PDE8B: variants seen among roughly 807,000 people sequenced by gnomAD.
PDE8B encodes the protein high affinity cAMP-specific and IBMX-insensitive 3',5'-cyclic phosphodiesterase 8B.
PDE8B carries 26 observed loss-of-function variants against 101.3 expected under a neutral mutation model. That is an observed-to-expected ratio of 0.26 (90% CI 0.19 to 0.36). The LOEUF is 0.36. PDE8B is among the 10% of genes least tolerant of loss of function. PDE8B has a pLI of 1.00. For missense variants in PDE8B, 810 were observed against 1,163.1 expected, an observed-to-expected ratio of 0.70 and a Z score of 4.42; for synonymous variants, 424 against 429.3, an observed-to-expected ratio of 0.99 and a Z score of 0.15.
chr5:77,095,718 C>T, the PDE8B span, among the ~76,000 whole-genome samples: 1 of 152,122 alleles, frequency 6.6e-6, no homozygotes, highest in Non-Finnish European at 1.5e-5. Context: ...TTACACTTAT[C>T]CATTTGTAAA....
the PDE8B span, among the ~76,000 whole-genome samples, chr5:77,131,932 G>T: frequency 2.0e-5 from 3 of 152,196 alleles, no homozygotes; most frequent in Admixed American, 1.3e-4. Context: ...CAAACTCACA[G>T]AGTTGTAAGA....
the PDE8B span, among the ~76,000 whole-genome samples, chr5:77,159,439 T>A: frequency 1.3e-5 from 2 of 152,188 alleles, no homozygotes. Flanking sequence ...ATCTTTCTCC[T>A]GTGCTGGATG....
intron 6 of PDE8B, among the ~76,000 whole-genome samples, chr5:77,344,258 A>C (rs554693888): frequency 9.8e-5 from 15 of 152,374 alleles, no homozygotes; most frequent in African/African-American, 3.6e-4. Flanking sequence ...CTGATAGTTT[A>C]GTGGGCTTGT....
At chr5:77,094,441 C>G in the PDE8B span, among the ~76,000 whole-genome samples, 2 of 152,120 alleles carry the variant, frequency 1.3e-5, no homozygotes, top group African/African-American at 4.8e-5. Flanking sequence ...TCCCAAGTAG[C>G]AGAGACAGGC....
chr5:77,107,996 T>A, the PDE8B span, among the ~76,000 whole-genome samples: 1 of 152,134 alleles, frequency 6.6e-6, no homozygotes, highest in East Asian at 1.9e-4. Flanking sequence ...TTGTAACAGA[T>A]CGCAGTCATT....
the PDE8B span, among the ~76,000 whole-genome samples, chr5:77,159,470 G>T: frequency 0.28 from 41,864 of 152,012 alleles, 7,140 homozygotes; most frequent in Non-Finnish European, 0.37. Context: ...TTGAACCTTA[G>T]ACTCCAAGTT....
chr5:77,275,167 T>C (rs1040087867), intron 1 of PDE8B, among the ~76,000 whole-genome samples: 5 of 152,102 alleles, frequency 3.3e-5, no homozygotes, highest in Non-Finnish European at 1.5e-5. Flanking sequence ...GTGACCAGCC[T>C]GGACAAAATA....
At chr5:77,187,116 A>C in the PDE8B span, among the ~76,000 whole-genome samples, 2 of 152,186 alleles carry the variant, frequency 1.3e-5, no homozygotes, top group Non-Finnish European at 2.9e-5. Context: ...AAGTAGGTGC[A>C]TGGTTGATAA....
the PDE8B span, among the ~76,000 whole-genome samples, chr5:77,167,838 G>A: frequency 7.9e-5 from 12 of 152,116 alleles, no homozygotes; most frequent in South Asian, 2.1e-4. Context: ...CTGCGGGACC[G>A]TGTGCCCAGG....
chr5:77,211,236 A>G lies in PDE8B; in HGVS notation c.311A>G (p.Glu104Gly). The G allele has an allele frequency of 6.3e-7, 1 of 1,576,016 alleles. No individual in the cohort carries two copies. The highest frequency in any genetic ancestry group is 8.6e-7 in the Non-Finnish European group (1 of 1,169,338). Residue 104 changes from glutamate to glycine, a missense_variant, in exon 1 of 22, where the codon GAG becomes GGG. Physicochemically the swap from Glu to Gly is moderately conservative, Grantham distance 98 (BLOSUM62 -2). Around this residue, in one of 4 missense-constraint regions of PDE8B, gnomAD observed 251 missense variants for 378.8 expected, o/e 0.66. Coordinates refer to ENST00000264917, the MANE Select transcript of PDE8B (RefSeq NM_003719.5). This position sits in a 1 kb window ranked among gnomAD's most constrained non-coding sequence, Gnocchi z 4.1. ...CACTGCTGCAGCAGCGCCGAGGCCGAGACTCAGACCTGCTACACCAGCGTG... is the reference window on the plus strand; with the variant it reads ...CACTGCTGCAGCAGCGCCGAGGCCGGGACTCAGACCTGCTACACCAGCGTG... ...RRHCCSSAEA[E>G]TQTCYTSVKQ...
chr5:77,404,087 A>C lies in PDE8B; in HGVS notation c.1211-633A>C, dbSNP rs574069529. Among the ~76,000 whole-genome samples the C allele has an allele frequency of 3.3e-5, 5 of 152,322 alleles. No homozygotes were observed. The South Asian group carries it at 1.0e-3, about 32-fold the overall frequency. Reference sequence around the variant, plus strand: ...CATGCAACCTCTGCGTGCTGGGTTCAAGCGAGTCTCCTGCCTCAGCCTCCT... The same window carrying C: ...CATGCAACCTCTGCGTGCTGGGTTCCAGCGAGTCTCCTGCCTCAGCCTCCT... On this transcript the variant is annotated intron_variant, in intron 11 of 21. Transcript: ENST00000264917.
At chr5:77,118,375 G>A in the PDE8B span, 17 of 398,690 alleles carry the variant, frequency 4.3e-5, no homozygotes, top group South Asian at 1.3e-4. Flanking sequence ...AGGAGAAAGT[G>A]GAAGGAGGGG....
At chr5:77,185,993 C>A in the PDE8B span, among the ~76,000 whole-genome samples, 1 of 152,310 alleles carries the variant, frequency 6.6e-6, no homozygotes, top group African/African-American at 2.4e-5. Context: ...TAATACTTCC[C>A]TTGCAGGGTT....
chr5:77,349,686 T>G (rs1172189457), intron 8 of PDE8B, 127 bp downstream of exon 8: 2 of 1,106,712 alleles, frequency 1.8e-6, no homozygotes, highest in Non-Finnish European at 2.7e-6. Flanking sequence ...AGATCTATTA[T>G]GTTTGCAAAA....
chr5:77,412,642 T>TA, intron 16 of PDE8B, among the ~76,000 whole-genome samples: 1 of 152,184 alleles, frequency 6.6e-6, no homozygotes, highest in Non-Finnish European at 1.5e-5. Context: ...AGGCTGTTTC[T>TA]TCCCAGAGGT....
At chr5:77,390,503 G>A (rs78290403) in intron 10 of PDE8B, among the ~76,000 whole-genome samples, 6,792 of 152,232 alleles carry the variant, frequency 0.045, 486 homozygotes, top group African/African-American at 0.15. Context: ...AGTCACTGCT[G>A]CAAATGAGAA....
chr5:77,334,648 A>C (rs1011622120), intron 5 of PDE8B, among the ~76,000 whole-genome samples: 1 of 152,314 alleles, frequency 6.6e-6, no homozygotes, highest in African/African-American at 2.4e-5. Flanking sequence ...CCTCCTCTAC[A>C]TATGAGGGAT....
the PDE8B span, chr5:77,098,546 T>G: frequency 1.3e-5 from 2 of 152,244 alleles, no homozygotes; most frequent in Non-Finnish European, 2.9e-5. Context: ...TCCTTCCACC[T>G]CAGCCTCCCA....
At chr5:77,385,155 G>T (rs1041389112) in intron 10 of PDE8B, among the ~76,000 whole-genome samples, 7 of 152,150 alleles carry the variant, frequency 4.6e-5, no homozygotes, top group African/African-American at 1.7e-4. Flanking sequence ...TTCAGGACTT[G>T]TTATTGGTCT....
Sources: allele counts gnomAD v4.1 joint callset (sites outside exome capture counted in the v4.1 genomes callset), GRCh38; gene constraint gnomAD v4.1.1; regional missense constraint gnomAD v4.1.1; non-coding constraint Gnocchi (gnomAD v3.1); transcripts MANE v1.5; gene names NCBI Gene and HGNC (gene_info 2026-07-23, HGNC 2026-07-21).